LEPROTL1: variants seen among roughly 807,000 people sequenced by gnomAD.
LEPROTL1 encodes leptin receptor overlapping transcript like 1.
In LEPROTL1, 6 loss-of-function variants were observed where a neutral mutation model predicts 15.4. The ratio of observed to expected loss-of-function variants is 0.39; its 90% CI spans 0.21 to 0.77. LEPROTL1 has a LOEUF of 0.77. Ranked by LOEUF, LEPROTL1 falls within the 30% of genes least tolerant of loss-of-function variation. The pLI is 0.41. For missense variants in LEPROTL1, 128 were observed against 158.1 expected, an observed-to-expected ratio of 0.81 and a Z score of 1.02; for synonymous variants, 56 against 52.6, an observed-to-expected ratio of 1.06 and a Z score of -0.28.
chr8:30,111,685 A>G (rs16876484), downstream of LEPROTL1, among the ~76,000 whole-genome samples: 3,585 of 152,302 alleles, frequency 0.024, 141 homozygotes, highest in African/African-American at 0.082. Context: ...ATCGAAGCCA[A>G]TTCATCTCCA....
intron 1 of LEPROTL1, among the ~76,000 whole-genome samples, chr8:30,098,346 A>C (rs1386179973): frequency 2.0e-5 from 3 of 152,238 alleles, no homozygotes; most frequent in Non-Finnish European, 4.4e-5. Flanking sequence ...CTTTAAAATA[A>C]AAATGTGTTT....
At chr8:30,117,372 T>C in intron 3 of LEPROTL1, 1 of 1,137,632 alleles carries the variant, frequency 8.8e-7, no homozygotes, top group Non-Finnish European at 1.3e-6. Flanking sequence ...AAATATATGC[T>C]GCATTACATC....
downstream of LEPROTL1, among the ~76,000 whole-genome samples, chr8:30,109,622 A>G (rs537535392): frequency 6.6e-6 from 1 of 152,272 alleles, no homozygotes; most frequent in Admixed American, 6.5e-5. Flanking sequence ...TCCTTTTCAT[A>G]CAACTGAGTA....
rs939958127 is a variant in LEPROTL1, at chr8:30,095,470, C to T, written c.-43C>T. ...TGGGTCTCCCGGCTGCCGCTGCTGC[C>T]GCCGCCGCCTCGGGTCGTGGAGCCA... On this transcript the variant is annotated 5_prime_UTR_variant, in exon 1 of 4. Coordinates refer to ENST00000321250, the MANE Select transcript of LEPROTL1 (RefSeq NM_015344.3). The T allele has an allele frequency of 3.4e-6, 5 of 1,462,054 alleles. No individual in the cohort carries two copies. Among genetic ancestry groups the T allele is most frequent in the South Asian group, 1.3e-5 (1 of 76,704 alleles). 90.6% of individuals were successfully genotyped at this position (1,462,054 alleles called of 1,614,324 possible).
chr8:30,111,759 G>T (rs964486444), downstream of LEPROTL1, among the ~76,000 whole-genome samples: 1 of 152,170 alleles, frequency 6.6e-6, no homozygotes, highest in East Asian at 1.9e-4. Context: ...GAGGTCGGGT[G>T]GGGGGTGGTT....
rs1350852537 is a variant in LEPROTL1 at position 30,096,342 on chromosome 8, A to C, written c.16+814A>C. The C allele has an allele frequency of 7.1e-6, 7 of 985,116 alleles. No individual in the cohort carries two copies. The Admixed American group carries it at 3.1e-4, about 43-fold the overall frequency. 61.0% of individuals were successfully genotyped at this position (985,116 alleles called of 1,614,324 possible). A position where few individuals can be genotyped will look rare whatever the true frequency, so the allele number is the denominator to read the frequency against. ...TTTGTTGTCAGTGTGATGAGAAGCA[A>C]AGTTTTCAGCTACTGCTTAACTAAT... On this transcript the variant is annotated intron_variant, in intron 1 of 3. Coordinates refer to ENST00000321250, the MANE Select transcript of LEPROTL1 (RefSeq NM_015344.3).
chr8:30,102,398 C>T (rs527905026), intron 2 of LEPROTL1, among the ~76,000 whole-genome samples: 74 of 152,066 alleles, frequency 4.9e-4, no homozygotes, highest in Non-Finnish European at 8.5e-4. Flanking sequence ...CACCTGTAAT[C>T]CCAGCATTTT....
At chr8:30,098,194 A>G (rs1769452542) in intron 1 of LEPROTL1, among the ~76,000 whole-genome samples, 1 of 152,216 alleles carries the variant, frequency 6.6e-6, no homozygotes, top group South Asian at 2.1e-4. Context: ...GTGTGGGAAG[A>G]TAAACTTAGA....
chr8:30,128,540 C>T (rs1230368099), intron 3 of LEPROTL1, among the ~76,000 whole-genome samples: 18 of 152,114 alleles, frequency 1.2e-4, no homozygotes, highest in Non-Finnish European at 4.4e-5. Flanking sequence ...CGCTTGAGCT[C>T]ACGAATTCGA....
chr8:30,131,930 C>T (rs912593370), intron 3 of LEPROTL1: 16 of 1,535,646 alleles, frequency 1.0e-5, no homozygotes, highest in Non-Finnish European at 1.4e-5. Flanking sequence ...AAGGTGAAAG[C>T]CAGGGAAAGA....
intron 3 of LEPROTL1, among the ~76,000 whole-genome samples, chr8:30,125,471 A>T (rs1289318612): frequency 1.3e-5 from 2 of 152,256 alleles, no homozygotes. Context: ...CCGGGTGTTT[A>T]TAAAGAACCT....
rs1802471749 is a variant in LEPROTL1 at position 30,101,780 on chromosome 8, C to T, written c.17-118C>T. The stretch of plus-strand genomic sequence containing the variant: ...AACTTACACTTCTGATGGCAACTTG[C>T]TATTAATACGTTTTAGGGATTTTTG... On this transcript the variant is annotated intron_variant, in intron 1 of 3. Coordinates refer to ENST00000321250, the MANE Select transcript of LEPROTL1 (RefSeq NM_015344.3). The T allele has an allele frequency of 7.1e-6, 4 of 563,078 alleles. No individual in the cohort carries two copies. The South Asian group carries it at 8.9e-5, about 13-fold the overall frequency. The allele number at this position is 563,078 out of a possible 1,614,324, so 34.9% of individuals were successfully genotyped here.
downstream of LEPROTL1, among the ~76,000 whole-genome samples, chr8:30,112,401 ATTTTTTTTTTTTTTTT>A (rs10684450): frequency 2.2e-4 from 6 of 27,864 alleles, no homozygotes; most frequent in South Asian, 3.1e-3. Flanking sequence ...TGCCCAGCTA[ATTTTTTTTTTTTTTTT>A]TTTTTTTTTT....
intron 3 of LEPROTL1, chr8:30,132,310 A>T (rs1294666165): frequency 1.3e-6 from 2 of 1,551,634 alleles, no homozygotes; most frequent in Non-Finnish European, 1.7e-6. Context: ...AAGCCGTCGG[A>T]GCCATCGAGC....
chr8:30,096,015 A>C, intron 1 of LEPROTL1: 1 of 600,232 alleles, frequency 1.7e-6, no homozygotes, highest in East Asian at 3.0e-5. Flanking sequence ...CGAAACCTCG[A>C]CCCCACGTCC....
intron 4 of LEPROTL1, among the ~76,000 whole-genome samples, chr8:30,134,717 T>G (rs1216162088): frequency 1.3e-5 from 2 of 151,938 alleles, no homozygotes; most frequent in Non-Finnish European, 2.9e-5. Flanking sequence ...CCAGCTAATT[T>G]TTGTATTTTT....
Position 30,106,878 on chromosome 8 carries a change from A to T in LEPROTL1, c.*1016A>T, listed in dbSNP as rs1367445064. 4.6e-5 allele frequency: 45 copies of T among 982,752 alleles called. No homozygotes were observed. The highest frequency in any genetic ancestry group is 5.3e-5 in the Non-Finnish European group (44 of 827,084). The allele number at this position is 982,752 out of a possible 1,614,324, so 60.9% of individuals were successfully genotyped here. ...ATATATTACATAAAATAACTTTTCA[A>T]ATATAGTTTAATAACACTTAGAAGT... On this transcript the variant is annotated 3_prime_UTR_variant, in exon 4 of 4. Transcript: ENST00000321250.
In LEPROTL1 at chr8:30,107,931, C is replaced by T; in HGVS notation, c.*2069C>T. The T allele has an allele frequency of 1.0e-6, 1 of 985,202 alleles. No homozygotes were observed. Among genetic ancestry groups the T allele is most frequent in the Non-Finnish European group, 1.2e-6 (1 of 829,732 alleles). The allele number at this position is 985,202 out of a possible 1,614,324, so 61.0% of individuals were successfully genotyped here. ...TCTTTGACCTTGTATACTAGCTTGA[C>T]ATAGTGCTGTCTCTGATTTCTAGGC... On this transcript the variant is annotated 3_prime_UTR_variant, in exon 4 of 4. Transcript: ENST00000321250.
In LEPROTL1 at chr8:30,137,270, A is replaced by G. The variant is rs188534729; in HGVS notation, c.395-2A>G. The G allele has an allele frequency of 5.5e-4, 851 of 1,550,716 alleles. 9 individuals are homozygous for G. The East Asian group carries it at 0.017, about 30-fold the overall frequency. ...AATTAGCTCTTGATTTCTGTTTTCT[A>G]GATGGGGCGCCTACCCTTCTTCAGC... On this transcript the variant is annotated splice_acceptor_variant, in intron 4 of 4. Transcript: ENST00000442880. LOFTEE classifies it high-confidence loss of function.
Sources: allele counts gnomAD v4.1 joint callset (sites outside exome capture counted in the v4.1 genomes callset), GRCh38; gene constraint gnomAD v4.1.1; transcripts MANE v1.5; gene names NCBI Gene and HGNC (gene_info 2026-07-23, HGNC 2026-07-21).